Variants in XIRP2 observed in about 807,000 individuals in gnomAD.
XIRP2 encodes xin actin-binding repeat-containing protein 2.
Under a neutral mutation model 277.0 loss-of-function variants are expected in XIRP2, and 236 were observed. That is an observed-to-expected ratio of 0.85 (90% CI 0.77 to 0.95). The LOEUF (loss-of-function observed/expected upper bound fraction) is 0.95. XIRP2 is among the 40% of genes least tolerant of loss of function. XIRP2 has a pLI of 0.00. For synonymous variants in XIRP2, 1,490 were observed against 1,416.5 expected, an observed-to-expected ratio of 1.05 and a Z score of -1.17; for missense variants, 4,640 against 4,157.5, an observed-to-expected ratio of 1.12 and a Z score of -3.19.
chr2:167,133,595 A>G (rs528130483), intron 2 of XIRP2, among the ~76,000 whole-genome samples: 9 of 152,336 alleles, frequency 5.9e-5, no homozygotes, highest in African/African-American at 2.2e-4. Context: ...CCTTAATATC[A>G]TCAGTCTGAG....
chr2:167,229,979 T>G (rs1694706562), intron 5 of XIRP2, among the ~76,000 whole-genome samples: 1 of 152,022 alleles, frequency 6.6e-6, no homozygotes, highest in African/African-American at 2.4e-5. Context: ...ACTGTTCACC[T>G]CTTCAGGAAT....
At chr2:167,155,852 T>C (rs1171810105) in intron 3 of XIRP2, among the ~76,000 whole-genome samples, 37 of 151,588 alleles carry the variant, frequency 2.4e-4, no homozygotes, top group African/African-American at 7.5e-4. Flanking sequence ...AAAACCCCAT[T>C]GTCTCAGCCC....
chr2:167,201,191 AAAGAAAGAAAGAAAGAAAGAAAGAAAG>A (rs1693681081), intron 3 of XIRP2, among the ~76,000 whole-genome samples: 1 of 9,114 alleles, frequency 1.1e-4, no homozygotes, highest in African/African-American at 1.9e-4. Flanking sequence ...AGAGAGAGAG[AAAGAAAGAAAGAAAGAAAGAAAGAAAG>A]AAAGAAAGAA....
intron 2 of XIRP2, among the ~76,000 whole-genome samples, chr2:167,046,443 T>C (rs1190444926): frequency 2.0e-5 from 3 of 148,292 alleles, no homozygotes; most frequent in African/African-American, 7.7e-5. Context: ...TAAAGGAATA[T>C]ACATTATTCT....
chr2:167,222,847 A>G (rs1694472526), intron 5 of XIRP2, among the ~76,000 whole-genome samples: 1 of 152,148 alleles, frequency 6.6e-6, no homozygotes, highest in African/African-American at 2.4e-5. Flanking sequence ...GGTTATTTTT[A>G]GGACTTTCTT....
Position 167,244,385 on chromosome 2 carries a change from A to G in XIRP2, c.2993A>G (p.Tyr998Cys). Residue 998 changes from tyrosine (Y) to cysteine (C), a missense_variant, in exon 9 of 11, where the codon TAT becomes TGT. Coordinates refer to ENST00000409195, the MANE Select transcript of XIRP2 (RefSeq NM_152381.6). ...GCCATTCAAGATCCCCTTGGAAAAT[A>G]TCATCAAGTAAAGACAGTCCAGCAA... ...LYAIQDPLGK[Y>C]HQVKTVQQEE... 1 of 1,613,566 alleles carries G rather than the reference A, an allele frequency of 6.2e-7. No homozygotes were observed. Among genetic ancestry groups the G allele is most frequent in the African/African-American group, 1.3e-5 (1 of 75,028 alleles).
intron 3 of XIRP2, chr2:167,187,216 G>C: frequency 1.0e-6 from 1 of 982,826 alleles, no homozygotes; most frequent in Non-Finnish European, 1.2e-6. Context: ...CATTACTGAG[G>C]GCACTATGAG....
chr2:167,148,119 C>T (rs1012645692), intron 3 of XIRP2, among the ~76,000 whole-genome samples: 6 of 152,160 alleles, frequency 3.9e-5, no homozygotes, highest in Middle Eastern at 3.4e-3. Context: ...CGGTGGCTCA[C>T]GACTGTAACC....
intron 2 of XIRP2, among the ~76,000 whole-genome samples, chr2:167,091,680 C>T (rs1449703160): frequency 6.6e-6 from 1 of 151,952 alleles, no homozygotes; most frequent in East Asian, 1.9e-4. Flanking sequence ...ATCTTGTGGC[C>T]CTATAGCTTC....
chr2:166,896,980 G>A (rs757376303), intron 1 of XIRP2, among the ~76,000 whole-genome samples: 1 of 152,158 alleles, frequency 6.6e-6, no homozygotes, highest in African/African-American at 2.4e-5. Flanking sequence ...AGGAGCAAAG[G>A]CTATACCATA....
At position 167,028,513 on chromosome 2, in the gene XIRP2, C is replaced by G. The variant is rs574824459; in HGVS notation, c.409-107396C>G. Among the ~76,000 whole-genome samples the G allele has an allele frequency of 2.4e-4, 37 of 152,104 alleles. 1 individual carries two copies. Among genetic ancestry groups the G allele is most frequent in the African/African-American group, 8.2e-4 (34 of 41,498 alleles). On this transcript the variant is annotated intron_variant, in intron 2 of 10. Coordinates refer to ENST00000409195, the MANE Select transcript of XIRP2 (RefSeq NM_152381.6). ...ACAGTGTTACTGGGCTTGGGTTGCCCCTTAATGCAGAAATGCAGTGACCAA... is the reference window on the plus strand; with the variant it reads ...ACAGTGTTACTGGGCTTGGGTTGCCGCTTAATGCAGAAATGCAGTGACCAA...
intron 2 of XIRP2, among the ~76,000 whole-genome samples, chr2:167,112,550 A>G (rs1232487416): frequency 6.8e-6 from 1 of 146,430 alleles, no homozygotes; most frequent in Non-Finnish European, 1.5e-5. Flanking sequence ...AGATATTTAT[A>G]TCTAGATATT....
intron 2 of XIRP2, among the ~76,000 whole-genome samples, chr2:166,927,407 G>A (rs929275032): frequency 1.3e-5 from 2 of 152,002 alleles, no homozygotes; most frequent in African/African-American, 4.8e-5. Context: ...TCAAAGTGTT[G>A]GCAAGTCTGC....
rs751037943 is a variant in XIRP2 at position 167,245,702 on chromosome 2, G to T, written c.4310G>T (p.Arg1437Leu). 1.2e-6 allele frequency: 2 copies of T among 1,613,428 alleles called. No individual in the cohort carries two copies. The highest frequency in any genetic ancestry group is 1.7e-6 in the Non-Finnish European group (2 of 1,179,686). Residue 1437 changes from arginine (R) to leucine (L), a missense_variant, in exon 9 of 11, where the codon CGA (arginine) becomes CTA (leucine). Arg to Leu is a moderately radical substitution (Grantham distance 102). Coordinates refer to ENST00000409195, the MANE Select transcript of XIRP2 (RefSeq NM_152381.6). ...AATTTTGATAAGAATAACTATATAC[G>T]AACAGTAAGTGTCAATGAAATACAA... The part of the protein sequence containing the change: ...SENFDKNNYI[R>L]TVSVNEIQKG...
chr2:166,957,817 G>A (rs146413482), intron 2 of XIRP2, among the ~76,000 whole-genome samples: 8 of 151,860 alleles, frequency 5.3e-5, no homozygotes, highest in South Asian at 4.1e-4. Flanking sequence ...TGATTTTCAC[G>A]TTAATCATTG....
chr2:167,139,791 G>C, intron 3 of XIRP2, among the ~76,000 whole-genome samples: 1 of 152,072 alleles, frequency 6.6e-6, no homozygotes, highest in South Asian at 2.1e-4. Flanking sequence ...TATCTGTGCG[G>C]TCCAATATGG....
At chr2:167,191,707 A>G (rs1693339933) in intron 3 of XIRP2, among the ~76,000 whole-genome samples, 1 of 152,152 alleles carries the variant, frequency 6.6e-6, no homozygotes, top group Admixed American at 6.5e-5. Flanking sequence ...CCCCACTCTC[A>G]TCACTGGACA....
At chr2:166,913,192 GC>G (rs1475642918) in intron 2 of XIRP2, among the ~76,000 whole-genome samples, 1 of 152,128 alleles carries the variant, frequency 6.6e-6, no homozygotes, top group Non-Finnish European at 1.5e-5. Context: ...GCTATGCTTT[GC>G]CCCCCAGAGG....
At position 167,250,826 on chromosome 2, in the gene XIRP2, C is replaced by T. The variant is rs2105448357; in HGVS notation, c.9434C>T (p.Pro3145Leu). 6.2e-7 allele frequency: 1 copy of T among 1,613,450 alleles called. No homozygotes were observed. Among genetic ancestry groups the T allele is most frequent in the Non-Finnish European group, 8.5e-7 (1 of 1,179,704 alleles). The change falls in exon 9 of 11, where the codon CCT (proline) becomes CTT (leucine). Residue 3145 changes from proline (P) to leucine (L), a missense_variant. Transcript: ENST00000409195. Reference protein sequence around the residue: ...NPTKNELSQSPKKDSYVEPPP... With the variant: ...NPTKNELSQSLKKDSYVEPPP... ...ACTAAGAACGAGCTTTCTCAGTCCCCTAAAAAGGACAGTTATGTTGAACCC... is the reference window on the plus strand; with the variant it reads ...ACTAAGAACGAGCTTTCTCAGTCCCTTAAAAAGGACAGTTATGTTGAACCC...
Sources: gnomAD v4.1 joint callset for allele counts (sites outside exome capture counted in the v4.1 genomes callset) on GRCh38, gnomAD v4.1.1 for gene constraint, MANE v1.5 for transcripts, NCBI Gene and HGNC (gene_info 2026-07-23, HGNC 2026-07-21) for gene names.